Variants in LPP observed in about 807,000 individuals in gnomAD.
LPP encodes LIM domain containing preferred translocation partner in lipoma, also known as lipoma-preferred partner.
Under a neutral mutation model 60.4 loss-of-function variants are expected in LPP, and 38 were observed. The observed-to-expected ratio is 0.63, with a 90% CI of 0.49 to 0.83. The LOEUF is 0.83. LPP is among the 40% of genes least tolerant of loss of function. The probability of loss-of-function intolerance (pLI) is 0.00; values close to 1 mark genes in which losing one functional copy is unlikely to be tolerated. For missense variants in LPP, 902 were observed against 783.6 expected (o/e 1.15, Z -1.80); for synonymous variants, 328 against 290.8 (o/e 1.13, Z -1.30).
At chr3:188,470,488 T>C (rs1053501479) in intron 4 of LPP, among the ~76,000 whole-genome samples, 1 of 152,156 alleles carries the variant, frequency 6.6e-6, no homozygotes, top group Non-Finnish European at 1.5e-5. Context: ...ATCTCAACTC[T>C]GTGAGGCATT....
chr3:188,281,290 T>C (rs1741953739), intron 2 of LPP, among the ~76,000 whole-genome samples: 1 of 152,110 alleles, frequency 6.6e-6, no homozygotes. Flanking sequence ...AGAAAGAGTA[T>C]ATTTCTTGGT....
intron 9 of LPP, among the ~76,000 whole-genome samples, chr3:188,777,282 T>C (rs1738104254): frequency 6.6e-6 from 1 of 151,806 alleles, no homozygotes; most frequent in African/African-American, 2.4e-5. Flanking sequence ...TTTCTAACTA[T>C]GCATCTAGGT....
intron 5 of LPP, among the ~76,000 whole-genome samples, chr3:188,503,554 G>C (rs1333089125): frequency 1.3e-5 from 2 of 151,060 alleles, no homozygotes; most frequent in African/African-American, 4.9e-5. Context: ...GAGTTACTCT[G>C]TAGTATCATT....
At chr3:188,447,821 G>C (rs1308685646) in intron 4 of LPP, among the ~76,000 whole-genome samples, 2 of 151,850 alleles carry the variant, frequency 1.3e-5, no homozygotes, top group African/African-American at 4.8e-5. Flanking sequence ...TAGCAGTATG[G>C]CCATAGAGTA....
chr3:188,364,189 C>G (rs182317525), intron 3 of LPP, among the ~76,000 whole-genome samples: 1 of 152,290 alleles, frequency 6.6e-6, no homozygotes, highest in Non-Finnish European at 1.5e-5. Context: ...ATTGTTTATG[C>G]TCAGTTAATG....
intron 3 of LPP, among the ~76,000 whole-genome samples, chr3:188,392,662 A>C (rs1779986487): frequency 6.6e-6 from 1 of 152,176 alleles, no homozygotes; most frequent in Non-Finnish European, 1.5e-5. Flanking sequence ...TTGTCTTGAC[A>C]ATAAACAGGC....
chr3:188,776,856 T>C (rs1220025112), intron 9 of LPP, among the ~76,000 whole-genome samples: 1 of 152,164 alleles, frequency 6.6e-6, no homozygotes, highest in African/African-American at 2.4e-5. Context: ...TGTAGTTTTA[T>C]AGATAAAAAA....
chr3:188,355,088 A>G (rs1039200912), intron 3 of LPP, among the ~76,000 whole-genome samples: 1 of 152,110 alleles, frequency 6.6e-6, no homozygotes, highest in African/African-American at 2.4e-5. Context: ...AGCTCACTGC[A>G]ATCTCCACCT....
rs149553446 is a variant in LPP, at chr3:188,517,603, T to C, written c.307-7062T>C. On this transcript the variant is annotated intron_variant, in intron 5 of 11. Transcript: ENST00000617246. Reference sequence around the variant, plus strand: ...AGAAAAAGAGGTTTAATTGGACTTATAGTTCCACATGGCTGGGGAGGCCTC... The same window carrying C: ...AGAAAAAGAGGTTTAATTGGACTTACAGTTCCACATGGCTGGGGAGGCCTC... Among the ~76,000 whole-genome samples, 6 of 152,284 alleles carry C rather than the reference T, an allele frequency of 3.9e-5. No individual in the cohort carries two copies. The East Asian group carries it at 5.8e-4, about 15-fold the overall frequency.
chr3:188,834,547 C>T (rs1456774874), intron 9 of LPP, among the ~76,000 whole-genome samples: 3 of 152,028 alleles, frequency 2.0e-5, no homozygotes, highest in Non-Finnish European at 2.9e-5. Context: ...TCTTCACCAA[C>T]TAACCACAAC....
At chr3:188,607,400 T>A (rs1188644263) in intron 6 of LPP, among the ~76,000 whole-genome samples, 1,267 of 55,564 alleles carry the variant, frequency 0.023, 62 homozygotes, top group Non-Finnish European at 0.051. Flanking sequence ...TATATATATA[T>A]ATATATATAT....
chr3:188,194,157 T>A (rs1728914039), intron 1 of LPP, among the ~76,000 whole-genome samples: 1 of 152,230 alleles, frequency 6.6e-6, no homozygotes, highest in Non-Finnish European at 1.5e-5. Flanking sequence ...CATGGGCTAT[T>A]GAGGGAAGAT....
chr3:188,511,243 ACTCCCTTCC>A (rs1220630330), intron 5 of LPP, among the ~76,000 whole-genome samples: 1 of 14,342 alleles, frequency 7.0e-5, no homozygotes, highest in Admixed American at 9.6e-4. Context: ...TCCCTCCCTC[ACTCCCTTCC>A]CTCCCTTCCC....
chr3:188,264,902 C>T (rs1305826939), intron 2 of LPP, among the ~76,000 whole-genome samples: 3 of 151,958 alleles, frequency 2.0e-5, no homozygotes, highest in Non-Finnish European at 4.4e-5. Flanking sequence ...ACAAAGTAAG[C>T]AGATGATTTC....
chr3:188,245,472 T>C (rs1726590941), intron 2 of LPP, among the ~76,000 whole-genome samples: 1 of 152,178 alleles, frequency 6.6e-6, no homozygotes, highest in Admixed American at 6.5e-5. Flanking sequence ...CCAGAGCCAT[T>C]AGCAGAGAAA....
At chr3:188,456,635 C>A (rs540516049) in intron 4 of LPP, among the ~76,000 whole-genome samples, 2 of 152,130 alleles carry the variant, frequency 1.3e-5, no homozygotes, top group Non-Finnish European at 1.5e-5. Context: ...AGAAGGATTG[C>A]GTTTCTTTTT....
intron 7 of LPP, among the ~76,000 whole-genome samples, chr3:188,652,513 A>G (rs1852296039): frequency 6.6e-6 from 1 of 152,138 alleles, no homozygotes. Context: ...GATTCTGTAT[A>G]ATGCAAAACA....
chr3:188,686,152 T>C (rs1010156547), intron 7 of LPP, among the ~76,000 whole-genome samples: 1 of 152,168 alleles, frequency 6.6e-6, no homozygotes, highest in Admixed American at 6.5e-5. Context: ...TCATATGAAA[T>C]ACTCAGCCCA....
At chr3:188,667,644 TG>T (rs746571644) in intron 7 of LPP, among the ~76,000 whole-genome samples, 65 of 149,800 alleles carry the variant, frequency 4.3e-4, no homozygotes, top group Non-Finnish European at 9.0e-4. Flanking sequence ...AATTAGAACT[TG>T]GTATTCTCAA....
Sources: allele counts gnomAD v4.1 joint callset (sites outside exome capture counted in the v4.1 genomes callset), GRCh38; gene constraint gnomAD v4.1.1; transcripts MANE v1.5; gene names NCBI Gene and HGNC (gene_info 2026-07-23, HGNC 2026-07-21).